GLIS3: variants seen among roughly 807,000 people sequenced by gnomAD.
The protein encoded by GLIS3 is zinc finger protein GLIS3.
GLIS3 carries 53 observed loss-of-function variants against 78.6 expected under a neutral mutation model. The observed-to-expected ratio is 0.67, with a 90% confidence interval of 0.54 to 0.85. The LOEUF (loss-of-function observed/expected upper bound fraction) is 0.85, where lower values mean the gene tolerates loss of function less well. Among genes scored for constraint, GLIS3 ranks in the 40% least tolerant of loss-of-function variants. GLIS3 has a pLI of 0.00. For missense variants in GLIS3, 1,703 were observed against 1,231.1 expected (o/e 1.38, Z -5.74); for synonymous variants, 684 against 509.9 (o/e 1.34, Z -4.60).
chr9:4,394,055 C>G, the GLIS3 span, among the ~76,000 whole-genome samples: 1 of 151,672 alleles, frequency 6.6e-6, no homozygotes, highest in South Asian at 2.1e-4. Context: ...TCCATTAAAA[C>G]CCAATCCCAG....
the GLIS3 span, among the ~76,000 whole-genome samples, chr9:4,380,582 C>T: frequency 6.6e-6 from 1 of 152,178 alleles, no homozygotes; most frequent in South Asian, 2.1e-4. Context: ...ATTTCCGGGC[C>T]TCACACCAGA....
intron 2 of GLIS3, among the ~76,000 whole-genome samples, chr9:4,337,433 A>G (rs1817770892): frequency 6.6e-6 from 1 of 152,272 alleles, no homozygotes; most frequent in African/African-American, 2.4e-5. Context: ...AAATAAAGAT[A>G]CAAAATCGTA....
At position 3,905,969 on chromosome 9, in the gene GLIS3, G is replaced by A. The variant is rs73386117; in HGVS notation, c.1984-7134C>T. Among the ~76,000 whole-genome samples, 518 of 152,298 alleles carry A rather than the reference G, an allele frequency of 3.4e-3. 5 individuals are homozygous for A. The highest frequency in any genetic ancestry group is 0.011 in the African/African-American group (462 of 41,564). On this transcript the variant is annotated intron_variant, in intron 6 of 10. Coordinates refer to ENST00000381971, the MANE Select transcript of GLIS3 (RefSeq NM_001042413.2). ...AGGTCAGGGAAGGCCTCTGTAGACT[G>A]GACATTCTGGGCTGAAACCTGAATG...
rs144454883 is a variant in GLIS3, at chr9:3,909,024, C to A, written c.1984-10189G>T. ...CTCCAATGAGCACAGTCCATCTGGG[C>A]CACGCATGTTTATGCATCACCTTGT... On this transcript the variant is annotated intron_variant, in intron 6 of 10. Coordinates refer to ENST00000381971, the MANE Select transcript of GLIS3 (RefSeq NM_001042413.2). Among the ~76,000 whole-genome samples the A allele has an allele frequency of 3.3e-5, 5 of 152,256 alleles. No homozygotes were observed. In the East Asian group the frequency reaches 7.8e-4, roughly 24 times the overall value.
At chr9:4,193,316 C>G (rs988974335) in intron 2 of GLIS3, among the ~76,000 whole-genome samples, 2 of 152,170 alleles carry the variant, frequency 1.3e-5, no homozygotes, top group East Asian at 3.8e-4. Flanking sequence ...TAAAGTTGTA[C>G]TGAAACACAG....
At chr9:4,400,015 T>C in the GLIS3 span, among the ~76,000 whole-genome samples, 23 of 152,172 alleles carry the variant, frequency 1.5e-4, no homozygotes, top group African/African-American at 5.5e-4. Flanking sequence ...GGCAATGGGA[T>C]GAGACAAGGC....
chr9:4,344,352 C>T (rs1055869414), intron 2 of GLIS3, among the ~76,000 whole-genome samples: 5 of 152,218 alleles, frequency 3.3e-5, no homozygotes, highest in African/African-American at 4.8e-5. Flanking sequence ...ATTTCACCTG[C>T]ATTTGGCATT....
the GLIS3 span, among the ~76,000 whole-genome samples, chr9:4,424,142 A>C: frequency 1.3e-5 from 2 of 152,180 alleles, no homozygotes; most frequent in African/African-American, 2.4e-5. Context: ...TCAGTGTAAA[A>C]GTTTTTCTTT....
chr9:4,346,414 A>G (rs565703471), intron 2 of GLIS3, among the ~76,000 whole-genome samples: 48 of 152,242 alleles, frequency 3.2e-4, no homozygotes, highest in Non-Finnish European at 5.7e-4. Flanking sequence ...AAGCATTAAA[A>G]CTCATTGATT....
At chr9:3,857,565 A>G (rs1819871578) in intron 8 of GLIS3, among the ~76,000 whole-genome samples, 1 of 152,210 alleles carries the variant, frequency 6.6e-6, no homozygotes, top group African/African-American at 2.4e-5. Flanking sequence ...AAGAACCAAG[A>G]AAGTAGGAGT....
intron 2 of GLIS3, among the ~76,000 whole-genome samples, chr9:4,252,565 C>G (rs982968633): frequency 8.6e-5 from 13 of 152,024 alleles, no homozygotes; most frequent in African/African-American, 3.1e-4. Flanking sequence ...TTTTAGCTTC[C>G]TCCAGAGGAG....
At chr9:4,321,099 C>G (rs1817516634) in intron 2 of GLIS3, among the ~76,000 whole-genome samples, 1 of 149,610 alleles carries the variant, frequency 6.7e-6, no homozygotes, top group Non-Finnish European at 1.5e-5. Context: ...TTTTAAGTCC[C>G]CAATACTCAG....
At chr9:4,317,194 C>A (rs1563930681) in intron 2 of GLIS3, among the ~76,000 whole-genome samples, 1 of 152,132 alleles carries the variant, frequency 6.6e-6, no homozygotes, top group Non-Finnish European at 1.5e-5. Context: ...CTTTAAGTAC[C>A]GGTCTTTACA....
intron 2 of GLIS3, among the ~76,000 whole-genome samples, chr9:4,341,460 A>G (rs1817833807): frequency 6.6e-6 from 1 of 152,220 alleles, no homozygotes; most frequent in Non-Finnish European, 1.5e-5. Context: ...CTCATTTCAC[A>G]TTCAAGGTCA....
the GLIS3 span, among the ~76,000 whole-genome samples, chr9:4,463,844 A>G: frequency 6.6e-6 from 1 of 152,180 alleles, no homozygotes; most frequent in African/African-American, 2.4e-5. Flanking sequence ...AGAGTGCAGG[A>G]GTGCAGGCAG....
At chr9:4,273,802 TC>T (rs1826744260) in intron 2 of GLIS3, among the ~76,000 whole-genome samples, 1 of 152,002 alleles carries the variant, frequency 6.6e-6, no homozygotes, top group African/African-American at 2.4e-5. Context: ...CTACCCAAGA[TC>T]CCCAATCTCT....
intron 2 of GLIS3, among the ~76,000 whole-genome samples, chr9:4,252,025 G>C (rs1824446908): frequency 1.3e-5 from 2 of 152,100 alleles, no homozygotes; most frequent in African/African-American, 4.8e-5. Context: ...TTTCTCTCTG[G>C]CTGCCCTGAA....
intron 9 of GLIS3, among the ~76,000 whole-genome samples, chr9:3,844,722 C>A (rs1437958587): frequency 6.6e-6 from 1 of 152,110 alleles, no homozygotes; most frequent in Non-Finnish European, 1.5e-5. Context: ...GTGAAAGATA[C>A]TTAAATAATG....
chr9:4,045,502 A>ATT (rs71497514), intron 4 of GLIS3, among the ~76,000 whole-genome samples: 2 of 142,360 alleles, frequency 1.4e-5, no homozygotes, highest in Admixed American at 7.1e-5. Context: ...CACCTGGCTA[A>ATT]TTTTTTTTTT....
Sources: allele counts gnomAD v4.1 joint callset (sites outside exome capture counted in the v4.1 genomes callset), GRCh38; gene constraint gnomAD v4.1.1; transcripts MANE v1.5; gene names NCBI Gene and HGNC (gene_info 2026-07-23, HGNC 2026-07-21).